Variants in GRB14 observed in about 807,000 individuals in gnomAD.
GRB14 encodes growth factor receptor-bound protein 14.
GRB14 carries 38 observed loss-of-function variants against 69.1 expected under a neutral mutation model. That is an observed-to-expected ratio of 0.55 (90% CI 0.42 to 0.72). The LOEUF is 0.72. GRB14 is among the 30% of genes least tolerant of loss of function. The probability of loss-of-function intolerance (pLI) is 0.00; values close to 1 mark genes in which losing one functional copy is unlikely to be tolerated. For synonymous variants in GRB14, 247 were observed against 241.3 expected (o/e 1.02, Z -0.22); for missense variants, 666 against 666.1 (o/e 1.00, Z 0.00).
intron 1 of GRB14, among the ~76,000 whole-genome samples, chr2:164,620,317 T>G (rs1690424949): frequency 6.6e-6 from 1 of 152,224 alleles, no homozygotes. Context: ...TTATTAATTA[T>G]AGCTGTGGTT....
chr2:164,510,661 C>CA (rs937138332), intron 6 of GRB14, among the ~76,000 whole-genome samples: 104 of 151,556 alleles, frequency 6.9e-4, no homozygotes, highest in South Asian at 4.4e-3. Flanking sequence ...ACATTTACAC[C>CA]AAAAAAAAGC....
At chr2:164,524,258 T>G (rs1259862077) in intron 5 of GRB14, among the ~76,000 whole-genome samples, 4 of 152,080 alleles carry the variant, frequency 2.6e-5, no homozygotes, top group African/African-American at 9.7e-5. Context: ...GCAACCATTA[T>G]AAAGACATTG....
chr2:164,620,921 T>C (rs926414915), intron 1 of GRB14, among the ~76,000 whole-genome samples, 198 bp downstream of exon 1: 17 of 152,188 alleles, frequency 1.1e-4, no homozygotes, highest in Admixed American at 9.8e-4. Context: ...AATGAAACGG[T>C]GATGCTATTT....
chr2:164,577,778 A>G (rs950013654), intron 2 of GRB14, among the ~76,000 whole-genome samples: 3 of 152,252 alleles, frequency 2.0e-5, no homozygotes, highest in African/African-American at 7.2e-5. Context: ...CTGAAAATCA[A>G]TAAAGAATAA....
intron 8 of GRB14, among the ~76,000 whole-genome samples, chr2:164,506,440 C>T (rs1687190803): frequency 6.6e-6 from 1 of 151,858 alleles, no homozygotes; most frequent in South Asian, 2.1e-4. Flanking sequence ...AGAACAAGAA[C>T]CAAAAAAAGT....
Position 164,525,079 on chromosome 2 carries a change from C to T in GRB14, c.604-1G>A, listed in dbSNP as rs936407615. 3 of 1,557,994 alleles carry T rather than the reference C, an allele frequency of 1.9e-6. No individual in the cohort carries two copies. The highest frequency in any genetic ancestry group is 2.6e-6 in the Non-Finnish European group (3 of 1,135,876). On this transcript the variant is annotated splice_acceptor_variant, in intron 4 of 13. Transcript: ENST00000263915. LOFTEE classifies it high-confidence loss of function. ...ATACCATATGCTCTGGAAAAAAATACTGTCAAAAAGACACAGTTAAATTAT... is the reference window on the plus strand; with the variant it reads ...ATACCATATGCTCTGGAAAAAAATATTGTCAAAAAGACACAGTTAAATTAT...
chr2:164,492,822 TC>T lies in GRB14; in HGVS notation c.*213del, dbSNP rs1453570763. 14 of 424,408 alleles carry T rather than the reference TC, an allele frequency of 3.3e-5. No individual in the cohort carries two copies. Among genetic ancestry groups the T allele is most frequent in the African/African-American group, 6.1e-5 (3 of 48,968 alleles). 26.3% of individuals were successfully genotyped at this position (424,408 alleles called of 1,614,324 possible). A position where few individuals can be genotyped will look rare whatever the true frequency, so the allele number is the denominator to read the frequency against. ...ACAAGAACACACCAAGTCATTTTTT[TC>T]CTAAGGTTTAATTTTAACTAATGAA... On this transcript the variant is annotated 3_prime_UTR_variant, in exon 14 of 14. Transcript: ENST00000263915.
intron 13 of GRB14, among the ~76,000 whole-genome samples, chr2:164,493,727 G>A (rs1686819923): frequency 6.6e-6 from 1 of 152,016 alleles, no homozygotes; most frequent in East Asian, 1.9e-4. Flanking sequence ...AAAGAAGTAG[G>A]GAGGATATTT....
In GRB14 at chr2:164,508,866, G is replaced by A. The variant is rs1461360376; in HGVS notation, c.817-14C>T. On this transcript the variant is annotated splice_polypyrimidine_tract_variant and intron_variant, in intron 6 of 13. Transcript: ENST00000263915. ...ATGCCGCGGTTCCTTAAAAAAAAAA[G>A]TATTGACATGGATACATATTTTTGC... The A allele has an allele frequency of 2.7e-6, 4 of 1,455,038 alleles. No homozygotes were observed. Among genetic ancestry groups the A allele is most frequent in the East Asian group, 4.6e-5 (2 of 43,416 alleles). 90.1% of individuals were successfully genotyped at this position (1,455,038 alleles called of 1,614,324 possible).
intron 12 of GRB14, among the ~76,000 whole-genome samples, chr2:164,495,040 C>T (rs1249952942): frequency 6.6e-6 from 1 of 152,052 alleles, no homozygotes; most frequent in Non-Finnish European, 1.5e-5. Flanking sequence ...CTCCAGGGTT[C>T]AAGCAATTCT....
At position 164,618,084 on chromosome 2, in the gene GRB14, C is replaced by T. The variant is rs182798590; in HGVS notation, c.324+1603G>A. Reference sequence around the variant, plus strand: ...TGGGTTCAAGCGATTCTCCTGCCTCCGCCTCCCGAGTAGCTGGGACTACAG... The same window carrying T: ...TGGGTTCAAGCGATTCTCCTGCCTCTGCCTCCCGAGTAGCTGGGACTACAG... On this transcript the variant is annotated intron_variant, in intron 2 of 13. Coordinates refer to ENST00000263915, the MANE Select transcript of GRB14 (RefSeq NM_004490.3). 2.7e-3 allele frequency among the ~76,000 whole-genome samples: 407 copies of T among 151,950 alleles called. 1 individual carries two copies. Among genetic ancestry groups the T allele is most frequent in the African/African-American group, 8.9e-3 (367 of 41,458 alleles).
In GRB14 at chr2:164,493,152, G is replaced by T. The variant is rs1686802271; in HGVS notation, c.1507C>A (p.Leu503Met). The change falls in exon 14 of 14, where the codon CTG (leucine) becomes ATG (methionine). Residue 503 changes from leucine to methionine, a missense_variant. Physicochemically the swap from Leu to Met is conservative, Grantham distance 15. Transcript: ENST00000263915. ...VEDDGEMFHT[L>M]DDGHTRFTDL... is the part of the protein sequence containing the mutation. ...GTAAATCTTGTGTGGCCATCATCCAGTGTGTGGAACATTTCACCGTCATCT... is the reference window on the plus strand; with the variant it reads ...GTAAATCTTGTGTGGCCATCATCCATTGTGTGGAACATTTCACCGTCATCT... 1 of 1,613,396 alleles carries T rather than the reference G, an allele frequency of 6.2e-7. No individual in the cohort carries two copies. Among genetic ancestry groups the T allele is most frequent in the Non-Finnish European group, 8.5e-7 (1 of 1,179,590 alleles).
rs13389902 is a variant in GRB14, at chr2:164,547,800, C to A, written c.341G>T (p.Ser114Ile). The A allele has an allele frequency of 6.2e-7, 1 of 1,611,968 alleles. No individual in the cohort carries two copies. The highest frequency in any genetic ancestry group is 8.5e-7 in the Non-Finnish European group (1 of 1,178,728). Residue 114 changes from serine to isoleucine, a missense_variant, in exon 3 of 14, where the codon AGT (serine) becomes ATT (isoleucine). Ser to Ile is a moderately radical substitution (Grantham distance 142, BLOSUM62 -2). Transcript: ENST00000263915. ...SRKKQVIKVY[S>I]EDETSRALDV... Reference sequence around the variant, plus strand: ...TAAAGCCCTGCTGGTTTCATCTTCACTGTATACTTTAATCACCTGTGTAGG... The same window carrying A: ...TAAAGCCCTGCTGGTTTCATCTTCAATGTATACTTTAATCACCTGTGTAGG...
At chr2:164,577,841 A>G (rs1373131158) in intron 2 of GRB14, among the ~76,000 whole-genome samples, 2 of 152,244 alleles carry the variant, frequency 1.3e-5, no homozygotes, top group Non-Finnish European at 2.9e-5. Context: ...AGATTTTTTT[A>G]CCTAACACCA....
intron 2 of GRB14, among the ~76,000 whole-genome samples, chr2:164,612,905 C>A (rs1283329081): frequency 5.9e-5 from 9 of 152,060 alleles, no homozygotes; most frequent in African/African-American, 1.9e-4. Flanking sequence ...AGAAATAAAA[C>A]CTTGACAAAT....
In GRB14 at chr2:164,619,934, T is replaced by A. The variant is rs531400576; in HGVS notation, c.192-115A>T. ...ATGTACCACTCTGTGACAAGGCTCA[T>A]ATTATATAAAGTATATAGAAAAGGT... On this transcript the variant is annotated intron_variant, in intron 1 of 13. Coordinates refer to ENST00000263915, the MANE Select transcript of GRB14 (RefSeq NM_004490.3). 18 of 806,652 alleles carry A rather than the reference T, an allele frequency of 2.2e-5. No individual in the cohort carries two copies. In the South Asian group the frequency reaches 2.7e-4, roughly 12 times the overall value. 50.0% of individuals were successfully genotyped at this position (806,652 alleles called of 1,614,324 possible).
intron 2 of GRB14, among the ~76,000 whole-genome samples, chr2:164,586,725 TATTTAG>T (rs1472748042): frequency 6.6e-6 from 1 of 152,196 alleles, no homozygotes; most frequent in Admixed American, 6.5e-5. Context: ...CAGAAGTCTA[TATTTAG>T]ATTCAAATCC....
chr2:164,609,363 C>G (rs1690112092), intron 2 of GRB14, among the ~76,000 whole-genome samples: 1 of 152,194 alleles, frequency 6.6e-6, no homozygotes, highest in South Asian at 2.1e-4. Flanking sequence ...ATCAACTGGA[C>G]CTTTGCTGTG....
At chr2:164,617,722 C>T (rs1272169194) in intron 2 of GRB14, among the ~76,000 whole-genome samples, 1 of 152,080 alleles carries the variant, frequency 6.6e-6, no homozygotes, top group Non-Finnish European at 1.5e-5. Context: ...CTTTACTTTC[C>T]TTCTGGTTCA....
Sources: gnomAD v4.1 joint callset for allele counts (sites outside exome capture counted in the v4.1 genomes callset) on GRCh38, gnomAD v4.1.1 for gene constraint, MANE v1.5 for transcripts, NCBI Gene and HGNC (gene_info 2026-07-23, HGNC 2026-07-21) for gene names.